The following EML5 variants were observed in gnomAD, a reference collection of about 807,000 sequenced individuals.
The protein encoded by EML5 is echinoderm microtubule-associated protein-like 5.
In EML5, 120 loss-of-function variants were observed where a neutral mutation model predicts 250.0. The observed-to-expected ratio is 0.48, with a 90% CI of 0.41 to 0.56. EML5 has a LOEUF of 0.56. Ranked by LOEUF, EML5 falls within the 20% of genes least tolerant of loss-of-function variation. The pLI, the probability that EML5 is intolerant of heterozygous loss-of-function variation, is 0.00. For missense variants in EML5, 2,006 were observed against 2,437.6 expected, an observed-to-expected ratio of 0.82 and a Z score of 3.73; for synonymous variants, 771 against 806.5, an observed-to-expected ratio of 0.96 and a Z score of 0.75.
chr14:88,673,575 G>A (rs1295080275), intron 21 of EML5, among the ~76,000 whole-genome samples: 1 of 152,234 alleles, frequency 6.6e-6, no homozygotes, highest in Non-Finnish European at 1.5e-5. Context: ...TAGGAAGAGA[G>A]GAAGTAAAAC....
chr14:88,721,850 A>G (rs1038976885), intron 8 of EML5, among the ~76,000 whole-genome samples: 1 of 152,228 alleles, frequency 6.6e-6, no homozygotes. Flanking sequence ...GTGGGAAAAA[A>G]TATTTGCAAT....
At chr14:88,762,250 C>A (rs1428580792) in intron 1 of EML5, among the ~76,000 whole-genome samples, 2 of 152,154 alleles carry the variant, frequency 1.3e-5, no homozygotes, top group Non-Finnish European at 2.9e-5. Context: ...GTGGCTCACA[C>A]CTGTAATCCC....
intron 21 of EML5, among the ~76,000 whole-genome samples, chr14:88,666,794 GA>G (rs771197818): frequency 1.4e-4 from 22 of 152,098 alleles, no homozygotes; most frequent in Middle Eastern, 3.2e-3. Flanking sequence ...TATCTTGTAT[GA>G]AATCTGATGA....
Position 88,656,563 on chromosome 14 carries a change from C to G in EML5, c.4004+813G>C, listed in dbSNP as rs542527878. Among the ~76,000 whole-genome samples the G allele has an allele frequency of 7.9e-5, 12 of 152,176 alleles. No individual in the cohort carries two copies. In the South Asian group the frequency reaches 2.1e-3, roughly 26 times the overall value. On this transcript the variant is annotated intron_variant, in intron 27 of 43. Transcript: ENST00000554922. ...GCAAACCACCATGGCACATGTATAC[C>G]TATGTAACAAACCTGCACGTTCTGC...
At chr14:88,660,414 G>C (rs1428373282) in intron 25 of EML5, among the ~76,000 whole-genome samples, 1 of 152,006 alleles carries the variant, frequency 6.6e-6, no homozygotes, top group African/African-American at 2.4e-5. Context: ...TTAAGTACTT[G>C]CACAGCACAC....
rs2090626076 is a variant in EML5 at position 88,634,734 on chromosome 14, T to C, written c.4337-245A>G. ...TTTGCATTTAATGAGTTACATAAAC[T>C]TTTAATTATAATAACTTTTAAAATG... On this transcript the variant is annotated intron_variant, in intron 32 of 43. Transcript: ENST00000554922. 2.0e-5 allele frequency among the ~76,000 whole-genome samples: 3 copies of C among 152,150 alleles called. No homozygotes were observed. The South Asian group carries it at 6.2e-4, about 31-fold the overall frequency.
chr14:88,787,002 G>A (rs865835006), intron 1 of EML5, among the ~76,000 whole-genome samples: 1 of 152,308 alleles, frequency 6.6e-6, no homozygotes, highest in South Asian at 2.1e-4. Context: ...CTGCTATGGT[G>A]AAACAGAACA....
chr14:88,727,688 G>A (rs979716219), intron 7 of EML5, among the ~76,000 whole-genome samples: 4 of 152,056 alleles, frequency 2.6e-5, no homozygotes, highest in Non-Finnish European at 4.4e-5. Context: ...GTGAGCCACC[G>A]CACCCAGCCA....
intron 41 of EML5, 93 bp downstream of exon 41, chr14:88,618,135 T>TTC (rs2088053680): frequency 2.0e-6 from 2 of 999,512 alleles, no homozygotes; most frequent in Non-Finnish European, 3.0e-6. Context: ...TCAATTACTA[T>TTC]TCCTTATTGG....
intron 8 of EML5, 74 bp downstream of exon 8, chr14:88,726,467 G>A (rs958082792): frequency 2.5e-5 from 32 of 1,294,052 alleles, no homozygotes; most frequent in Admixed American, 1.3e-4. Context: ...ATTCTGTATC[G>A]CTGAAGAGAA....
At chr14:88,745,090 TG>T (rs1350661216) in intron 3 of EML5, among the ~76,000 whole-genome samples, 1 of 152,026 alleles carries the variant, frequency 6.6e-6, no homozygotes, top group Non-Finnish European at 1.5e-5. Flanking sequence ...CAAAATGCTT[TG>T]ATCTAAGCAG....
chr14:88,678,208 C>T (rs917145906), intron 21 of EML5, among the ~76,000 whole-genome samples: 9 of 152,154 alleles, frequency 5.9e-5, no homozygotes, highest in African/African-American at 1.9e-4. Flanking sequence ...CCAAATACTG[C>T]ATGTTCTCCC....
intron 1 of EML5, among the ~76,000 whole-genome samples, chr14:88,782,448 C>T (rs753336310): frequency 5.3e-5 from 8 of 152,284 alleles, no homozygotes; most frequent in Non-Finnish European, 1.0e-4. Context: ...GAACGAGGAG[C>T]CAAAGGCTAA....
intron 27 of EML5, among the ~76,000 whole-genome samples, chr14:88,650,145 T>C (rs1293311531): frequency 2.0e-5 from 3 of 152,294 alleles, no homozygotes; most frequent in African/African-American, 7.2e-5. Flanking sequence ...TTTAAATACA[T>C]AATATTTGTT....
At chr14:88,660,930 C>A (rs942598352) in intron 25 of EML5, among the ~76,000 whole-genome samples, 2 of 151,880 alleles carry the variant, frequency 1.3e-5, no homozygotes, top group African/African-American at 4.8e-5. Context: ...TACATTAAAT[C>A]AATGGTGCTT....
intron 2 of EML5, among the ~76,000 whole-genome samples, chr14:88,749,030 A>C (rs2094051235): frequency 6.6e-6 from 1 of 152,044 alleles, no homozygotes; most frequent in Non-Finnish European, 1.5e-5. Context: ...ATAATAGTAA[A>C]AAGTTTCCTA....
chr14:88,727,598 A>G (rs12897589), intron 7 of EML5, among the ~76,000 whole-genome samples: 28,754 of 151,940 alleles, frequency 0.19, 3,882 homozygotes, highest in African/African-American at 0.38. Context: ...GGGTTTCTCC[A>G]TGTTGGTCAG....
intron 1 of EML5, among the ~76,000 whole-genome samples, chr14:88,757,099 GA>G (rs1215626600): frequency 6.6e-6 from 1 of 152,092 alleles, no homozygotes; most frequent in Non-Finnish European, 1.5e-5. Context: ...CAGTAATCAA[GA>G]CAGTGTGGTA....
rs913236522 is a variant in EML5, at chr14:88,621,322, A to G, written c.5014-21T>C. ...TTGCCCTGAAACACAAGCAGGACCA[A>G]TACAGTGAATGTAATACAACAGCTG... On this transcript the variant is annotated intron_variant, in intron 37 of 43. Coordinates refer to ENST00000554922, the MANE Select transcript of EML5 (RefSeq NM_183387.3). 1.9e-6 allele frequency: 3 copies of G among 1,612,996 alleles called. No homozygotes were observed. The African/African-American group carries it at 4.0e-5, about 22-fold the overall frequency.
Sources: gnomAD v4.1 joint callset for allele counts (sites outside exome capture counted in the v4.1 genomes callset) on GRCh38, gnomAD v4.1.1 for gene constraint, MANE v1.5 for transcripts, NCBI Gene and HGNC (gene_info 2026-07-23, HGNC 2026-07-21) for gene names.